Variants in ARHGEF3 observed in about 807,000 individuals in gnomAD.
The protein encoded by ARHGEF3 is 59.8 kDA protein.
ARHGEF3 carries 28 observed loss-of-function variants against 63.2 expected under a neutral mutation model. The observed-to-expected ratio is 0.44, with a 90% CI of 0.33 to 0.61. ARHGEF3 has a LOEUF of 0.61. Among genes scored for constraint, ARHGEF3 ranks in the 20% least tolerant of loss-of-function variants. ARHGEF3 has a pLI of 0.03. For missense variants in ARHGEF3, 533 were observed against 659.3 expected (o/e 0.81, Z 2.10); for synonymous variants, 266 against 254.2 (o/e 1.05, Z -0.44).
intron 1 of ARHGEF3, 50 bp downstream of exon 1, chr3:56,801,653 C>A: frequency 6.5e-7 from 1 of 1,540,694 alleles, no homozygotes; most frequent in Non-Finnish European, 8.8e-7. Context: ...TGGAGGCAGA[C>A]GAGACAGGCA....
intron 6 of ARHGEF3, among the ~76,000 whole-genome samples, chr3:56,749,411 A>G (rs909639168): frequency 1.3e-5 from 2 of 152,258 alleles, no homozygotes; most frequent in African/African-American, 4.8e-5. Flanking sequence ...GACAATTTGC[A>G]TATGATGCTT....
chr3:56,767,803 G>A (rs1049082807), intron 2 of ARHGEF3, among the ~76,000 whole-genome samples: 23 of 151,668 alleles, frequency 1.5e-4, no homozygotes, highest in African/African-American at 5.3e-4. Flanking sequence ...CTGGAGTGCA[G>A]TGGCATGATC....
chr3:56,993,223 T>A (rs1023869802), intron 2 of ARHGEF3, among the ~76,000 whole-genome samples: 1 of 152,212 alleles, frequency 6.6e-6, no homozygotes, highest in African/African-American at 2.4e-5. Context: ...TCCTCCTGAT[T>A]TTGCCTGTCT....
intron 3 of ARHGEF3, among the ~76,000 whole-genome samples, chr3:56,885,586 G>A (rs964072135): frequency 1.3e-5 from 2 of 152,154 alleles, no homozygotes; most frequent in African/African-American, 2.4e-5. Flanking sequence ...TCTCCTCACA[G>A]GCATGCAGCC....
At chr3:56,761,878 C>T (rs752372138) in intron 2 of ARHGEF3, among the ~76,000 whole-genome samples, 3 of 152,108 alleles carry the variant, frequency 2.0e-5, no homozygotes, top group Non-Finnish European at 4.4e-5. Flanking sequence ...AATATCCTAC[C>T]CTAATTGCCC....
chr3:56,775,155 C>T (rs541976386), intron 1 of ARHGEF3: 6 of 1,533,854 alleles, frequency 3.9e-6, no homozygotes, highest in Non-Finnish European at 5.3e-6. Context: ...CCTTTTCAGC[C>T]ATTGCTTTCA....
At chr3:56,996,815 GC>G (rs1353636933) in intron 2 of ARHGEF3, among the ~76,000 whole-genome samples, 1 of 151,668 alleles carries the variant, frequency 6.6e-6, no homozygotes, top group African/African-American at 2.4e-5. Flanking sequence ...CCGCAGGCGG[GC>G]CCAGTACAGC....
intron 3 of ARHGEF3, among the ~76,000 whole-genome samples, chr3:56,927,708 A>G (rs1001039939): frequency 6.6e-6 from 1 of 152,196 alleles, no homozygotes; most frequent in Non-Finnish European, 1.5e-5. Flanking sequence ...CTGCTAGGCC[A>G]GAGTCCAGGT....
At chr3:56,866,736 C>T (rs1487270256) in intron 4 of ARHGEF3, among the ~76,000 whole-genome samples, 2 of 152,188 alleles carry the variant, frequency 1.3e-5, no homozygotes. Context: ...TCCTTACAAG[C>T]ATCTTTCATT....
intron 4 of ARHGEF3, among the ~76,000 whole-genome samples, chr3:56,840,098 A>C (rs1017153218): frequency 2.0e-5 from 3 of 152,138 alleles, no homozygotes; most frequent in Non-Finnish European, 4.4e-5. Context: ...TCTTAGGTGG[A>C]TATTTTTAGC....
At chr3:56,950,357 C>G (rs1245702701) in intron 3 of ARHGEF3, among the ~76,000 whole-genome samples, 1 of 151,748 alleles carries the variant, frequency 6.6e-6, no homozygotes, top group Non-Finnish European at 1.5e-5. Flanking sequence ...TACAGAATGG[C>G]AGAAAATTTT....
intron 1 of ARHGEF3, among the ~76,000 whole-genome samples, chr3:57,052,928 G>C (rs1198519976): frequency 2.0e-5 from 3 of 152,128 alleles, no homozygotes; most frequent in African/African-American, 7.2e-5. Flanking sequence ...GCTGCCCCAG[G>C]CCATCAAGAG....
rs116198594 is a variant in ARHGEF3 at position 57,011,622 on chromosome 3, T to C, written c.62+23466A>G. On this transcript the variant is annotated intron_variant, in intron 2 of 12. Coordinates refer to the ARHGEF3 transcript ENST00000338458. ...ACCCAAGGATTCAATAGTGTCAAGGTTGAGAAATCCTAATCTAAACCAGAG... is the reference window on the plus strand; with the variant it reads ...ACCCAAGGATTCAATAGTGTCAAGGCTGAGAAATCCTAATCTAAACCAGAG... 6.6e-3 allele frequency among the ~76,000 whole-genome samples: 1,002 copies of C among 151,936 alleles called. 19 individuals carry two copies. Among genetic ancestry groups the C allele is most frequent in the African/African-American group, 0.023 (964 of 41,374 alleles).
chr3:56,998,462 T>G (rs1702073876), intron 2 of ARHGEF3, among the ~76,000 whole-genome samples: 1 of 151,820 alleles, frequency 6.6e-6, no homozygotes, highest in Admixed American at 6.6e-5. Context: ...TGGACCTTGG[T>G]TCACTTCCCT....
Position 57,017,032 on chromosome 3 carries a change from T to TCTCTCTCTCA in ARHGEF3, c.62+18055_62+18056insTGAGAGAGAG, listed in dbSNP as rs1221332567. Among the ~76,000 whole-genome samples the TCTCTCTCTCA allele has an allele frequency of 3.7e-4, 39 of 104,390 alleles. No homozygotes were observed. The East Asian group carries it at 5.3e-3, about 14-fold the overall frequency. The allele number at this position is 104,390 out of a possible 152,430, so 68.5% of individuals were successfully genotyped here. On this transcript the variant is annotated intron_variant, in intron 2 of 12. Coordinates refer to the ARHGEF3 transcript ENST00000338458. ...CTCTCTCTCTCTCTCTCTCTCTCTCTCACACACACACACACACACACACAC... is the reference window on the plus strand; with the variant it reads ...CTCTCTCTCTCTCTCTCTCTCTCTCTCTCTCTCTCACACACACACACACACACACACACAC...
intron 1 of ARHGEF3, chr3:56,774,859 T>A: frequency 1.5e-6 from 1 of 675,964 alleles, no homozygotes; most frequent in Non-Finnish European, 2.2e-6. Flanking sequence ...GCCACTGCAC[T>A]CCAGCCTGGT....
chr3:56,745,697 A>G (rs2034337082), intron 6 of ARHGEF3, among the ~76,000 whole-genome samples: 1 of 151,074 alleles, frequency 6.6e-6, no homozygotes, highest in Admixed American at 6.6e-5. Context: ...TTTGAGACGG[A>G]GTCTCGCTCT....
In ARHGEF3 at chr3:56,732,371, G is replaced by T. The variant is rs760540468; in HGVS notation, c.1095C>A (p.Thr365=). 13 of 1,614,194 alleles carry T rather than the reference G, an allele frequency of 8.1e-6. No homozygotes were observed. Among genetic ancestry groups the T allele is most frequent in the Middle Eastern group, 3.3e-4 (2 of 6,062 alleles). The change falls in exon 9 of 10, where the codon ACC becomes ACA. Residue 365 remains threonine, a synonymous_variant. Coordinates refer to ENST00000296315, the MANE Select transcript of ARHGEF3 (RefSeq NM_019555.3). The stretch of plus-strand genomic sequence containing the variant: ...GCTGGTAGCAAAGCTGCTCATTGTG[G>T]GTGACGGCTCGAGTGATCACAAGCA... ...QEVLVITRAV[T]HNEQLCYQLY...
At chr3:56,775,766 A>G (rs756275013) in intron 1 of ARHGEF3, 49 of 712,494 alleles carry the variant, frequency 6.9e-5, no homozygotes, top group Non-Finnish European at 6.0e-5. Flanking sequence ...CTGCACCACT[A>G]GCGTACTGAA....
Sources: allele counts gnomAD v4.1 joint callset (sites outside exome capture counted in the v4.1 genomes callset), GRCh38; gene constraint gnomAD v4.1.1; transcripts MANE v1.5; gene names NCBI Gene and HGNC (gene_info 2026-07-23, HGNC 2026-07-21).